ZDHHC21: variants seen among roughly 807,000 people sequenced by gnomAD.
ZDHHC21 encodes the protein zDHHC palmitoyltransferase 21.
In ZDHHC21, 15 loss-of-function variants were observed where a neutral mutation model predicts 34.6. That is an observed-to-expected ratio of 0.43 (90% CI 0.29 to 0.67). The LOEUF is 0.67. ZDHHC21 is among the 30% of genes least tolerant of loss of function. The pLI is 0.14. For missense variants in ZDHHC21, 344 were observed against 327.7 expected, an observed-to-expected ratio of 1.05 and a Z score of -0.38; for synonymous variants, 142 against 101.8, an observed-to-expected ratio of 1.40 and a Z score of -2.38.
chr9:14,611,152 C>T lies in ZDHHC21; in HGVS notation c.*7814G>A, dbSNP rs1357263947. On this transcript the variant is annotated 3_prime_UTR_variant, in exon 10 of 10. Transcript: ENST00000380916. ...TACATTTTGAGAAGTAAAAATTCCA[C>T]AATTTAAATTAAAAACAATCTGCAA... 6.6e-6 allele frequency: 1 copy of T among 151,684 alleles called. No individual in the cohort carries two copies. The highest frequency in any genetic ancestry group is 2.4e-5 in the African/African-American group (1 of 41,338). The allele number at this position is 151,684 out of a possible 1,614,324, so 9.4% of individuals were successfully genotyped here.
At chr9:14,609,805 A>T (rs1823143918), downstream of ZDHHC21, among the ~76,000 whole-genome samples, 1 of 152,106 alleles carries the variant, frequency 6.6e-6, no homozygotes, top group Admixed American at 6.6e-5. Flanking sequence ...TTAAGAAACC[A>T]TCACTTGAGT....
chr9:14,641,639 A>T (rs766221616), intron 7 of ZDHHC21, among the ~76,000 whole-genome samples: 17 of 152,116 alleles, frequency 1.1e-4, no homozygotes, highest in Non-Finnish European at 1.9e-4. Context: ...TATGAGCCAC[A>T]CCCACCCACA....
At chr9:14,663,967 A>G (rs1587283759) in intron 5 of ZDHHC21, among the ~76,000 whole-genome samples, 1 of 152,180 alleles carries the variant, frequency 6.6e-6, no homozygotes, top group East Asian at 1.9e-4. Context: ...AATGCTCCCA[A>G]ACATCCCAGT....
chr9:14,601,964 C>A, the ZDHHC21 span, among the ~76,000 whole-genome samples: 10 of 151,658 alleles, frequency 6.6e-5, no homozygotes, highest in Non-Finnish European at 1.2e-4. Flanking sequence ...TATGGACACA[C>A]GGAGGGGAAC....
the ZDHHC21 span, among the ~76,000 whole-genome samples, chr9:14,595,499 G>A: frequency 4.6e-5 from 7 of 152,134 alleles, no homozygotes; most frequent in African/African-American, 1.7e-4. Context: ...AGAGTCCAAG[G>A]GGTCTTTCTA....
Position 14,614,086 on chromosome 9 carries a change from T to C in ZDHHC21, c.*4880A>G, listed in dbSNP as rs990032223. The stretch of plus-strand genomic sequence containing the variant: ...AAATAAGAGATAAGGCTAAAATGAT[T>C]ACAGCAAAGAGATTCTCTGATGTCA... On this transcript the variant is annotated 3_prime_UTR_variant, in exon 10 of 10. Transcript: ENST00000380916. 6.6e-6 allele frequency: 1 copy of C among 151,758 alleles called. No individual in the cohort carries two copies. The highest frequency in any genetic ancestry group is 2.4e-5 in the African/African-American group (1 of 41,394). The allele number at this position is 151,758 out of a possible 1,614,324, so 9.4% of individuals were successfully genotyped here. A position where few individuals can be genotyped will look rare whatever the true frequency, so the allele number is the denominator to read the frequency against.
rs1170727511 is a variant in ZDHHC21, at chr9:14,617,047, T to C, written c.*1919A>G. 1.3e-5 allele frequency: 2 copies of C among 151,732 alleles called. No homozygotes were observed. The highest frequency in any genetic ancestry group is 2.4e-5 in the African/African-American group (1 of 41,360). 9.4% of individuals were successfully genotyped at this position (151,732 alleles called of 1,614,324 possible). The stretch of plus-strand genomic sequence containing the variant: ...GGCTCTGCTGTTTTCTCAAGGTCTT[T>C]ATTTGAAAGGAATGTATACAATATA... On this transcript the variant is annotated 3_prime_UTR_variant, in exon 10 of 10. Transcript: ENST00000380916.
intron 2 of ZDHHC21, among the ~76,000 whole-genome samples, chr9:14,681,665 C>T (rs1232454771): frequency 1.3e-5 from 2 of 151,858 alleles, no homozygotes; most frequent in East Asian, 3.9e-4. Context: ...TGACTGTTAA[C>T]CCCGTGAGAA....
In ZDHHC21 at chr9:14,662,197, G is replaced by T. The variant is rs372624522; in HGVS notation, c.365+18C>A. On this transcript the variant is annotated intron_variant, in intron 6 of 9. Transcript: ENST00000380916. ...TTACCCACCCCTCTTTTCTTTGCTAGAAGTGAATTATTCTTACCATGGACA... is the reference window on the plus strand; with the variant it reads ...TTACCCACCCCTCTTTTCTTTGCTATAAGTGAATTATTCTTACCATGGACA... The T allele has an allele frequency of 9.1e-6, 14 of 1,545,908 alleles. No homozygotes were observed. Among genetic ancestry groups the T allele is most frequent in the Non-Finnish European group, 1.2e-5 (14 of 1,139,510 alleles).
At chr9:14,645,190 C>T (rs770614612) in intron 7 of ZDHHC21, among the ~76,000 whole-genome samples, 55 of 151,908 alleles carry the variant, frequency 3.6e-4, no homozygotes, top group Non-Finnish European at 7.4e-4. Context: ...AACTACTGTT[C>T]TACTAGATAA....
intron 1 of ZDHHC21, among the ~76,000 whole-genome samples, chr9:14,691,973 C>A (rs1839222142): frequency 6.6e-6 from 1 of 152,166 alleles, no homozygotes. Context: ...TAACATGGGT[C>A]ATTGCCCTAC....
In ZDHHC21 at chr9:14,614,624, G is replaced by C. The variant is rs191683048; in HGVS notation, c.*4342C>G. 14 of 151,750 alleles carry C rather than the reference G, an allele frequency of 9.2e-5. No individual in the cohort carries two copies. The highest frequency in any genetic ancestry group is 2.9e-4 in the African/African-American group (12 of 41,500). The allele number at this position is 151,750 out of a possible 1,614,324, so 9.4% of individuals were successfully genotyped here. A position where few individuals can be genotyped will look rare whatever the true frequency, so the allele number is the denominator to read the frequency against. ...AAATATAGAGCACAATGAAATCTGT[G>C]ATTTATAATAAATTCAGAGGATGAT... On this transcript the variant is annotated 3_prime_UTR_variant, in exon 10 of 10. Transcript: ENST00000380916.
chr9:14,691,291 C>T (rs1390950025), intron 1 of ZDHHC21, among the ~76,000 whole-genome samples: 4 of 152,250 alleles, frequency 2.6e-5, no homozygotes, highest in African/African-American at 4.8e-5. Flanking sequence ...AAGAGGTTTT[C>T]GGGAAAATGG....
intron 8 of ZDHHC21, among the ~76,000 whole-genome samples, chr9:14,621,651 G>C (rs1450450340): frequency 1.3e-5 from 2 of 151,988 alleles, no homozygotes; most frequent in Admixed American, 6.6e-5. Context: ...CTGTTATCCA[G>C]AATACTGTTA....
intron 7 of ZDHHC21, 88 bp from the exon 8 acceptor site, chr9:14,640,100 A>ACAT (rs1395912624): frequency 4.7e-6 from 3 of 643,806 alleles, no homozygotes; most frequent in Non-Finnish European, 8.0e-6. Context: ...GAGCCATAAC[A>ACAT]CATCTTCCTT....
At chr9:14,651,942 A>G (rs988476920) in intron 7 of ZDHHC21, among the ~76,000 whole-genome samples, 3 of 151,952 alleles carry the variant, frequency 2.0e-5, no homozygotes, top group Non-Finnish European at 4.4e-5. Flanking sequence ...AACCTAGACA[A>G]TGATTTTCAT....
chr9:14,605,682 TA>T, the ZDHHC21 span, among the ~76,000 whole-genome samples: 2 of 152,240 alleles, frequency 1.3e-5, no homozygotes, highest in African/African-American at 4.8e-5. Flanking sequence ...CAGAAGCTTT[TA>T]AAGTTGATGC....
intron 7 of ZDHHC21, among the ~76,000 whole-genome samples, chr9:14,657,684 A>G (rs550182812): frequency 3.9e-5 from 6 of 152,290 alleles, no homozygotes; most frequent in African/African-American, 1.4e-4. Context: ...CAGAGGGCTG[A>G]ATTTAAACCA....
At chr9:14,622,504 C>A in intron 8 of ZDHHC21, 1 of 984,896 alleles carries the variant, frequency 1.0e-6, no homozygotes. Flanking sequence ...GGATAAAGAG[C>A]AAGAATTTAT....
Sources: gnomAD v4.1 joint callset for allele counts (sites outside exome capture counted in the v4.1 genomes callset) on GRCh38, gnomAD v4.1.1 for gene constraint, MANE v1.5 for transcripts, NCBI Gene and HGNC (gene_info 2026-07-23, HGNC 2026-07-21) for gene names.